AUTS2: variants seen among roughly 807,000 people sequenced by gnomAD.
AUTS2 encodes the protein autism susceptibility gene 2 protein.
Under a neutral mutation model 112.4 loss-of-function variants are expected in AUTS2, and 17 were observed. The ratio of observed to expected loss-of-function variants is 0.15; its 90% CI spans 0.10 to 0.23. The LOEUF (loss-of-function observed/expected upper bound fraction) is 0.23, where lower values mean the gene tolerates loss of function less well. AUTS2 is among the 10% of genes least tolerant of loss of function. AUTS2 has a pLI of 1.00. For synonymous variants in AUTS2, 751 were observed against 702.7 expected (o/e 1.07, Z -1.09); for missense variants, 1,510 against 1,701.6 (o/e 0.89, Z 1.98).
intron 2 of AUTS2, among the ~76,000 whole-genome samples, chr7:69,916,120 T>C (rs1426550810): frequency 6.6e-6 from 1 of 152,244 alleles, no homozygotes; most frequent in East Asian, 1.9e-4. Context: ...CTGTTTCTAA[T>C]TTACTATCAA....
intron 7 of AUTS2, among the ~76,000 whole-genome samples, chr7:70,763,742 T>G (rs1321684472): frequency 1.3e-5 from 2 of 152,046 alleles, no homozygotes; most frequent in Non-Finnish European, 2.9e-5. Flanking sequence ...GGAAGAAGTG[T>G]TAAAGAAAAC....
intron 2 of AUTS2, among the ~76,000 whole-genome samples, chr7:69,914,392 C>CACACACACACACAA (rs1554403942): frequency 6.6e-6 from 1 of 150,760 alleles, no homozygotes; most frequent in African/African-American, 2.4e-5. Flanking sequence ...CACACACACA[C>CACACACACACACAA]ACAAACAATC....
intron 2 of AUTS2, among the ~76,000 whole-genome samples, chr7:69,956,726 C>T (rs1164640726): frequency 6.6e-6 from 1 of 152,266 alleles, no homozygotes; most frequent in African/African-American, 2.4e-5. Flanking sequence ...TGTGGCAGGT[C>T]CTGAAGGAAG....
intron 4 of AUTS2, among the ~76,000 whole-genome samples, chr7:70,176,473 TG>T (rs1446615796): frequency 3.3e-5 from 5 of 152,246 alleles, no homozygotes; most frequent in Non-Finnish European, 7.3e-5. Flanking sequence ...GCAATGGCAA[TG>T]ATTCTGCCTG....
intron 2 of AUTS2, among the ~76,000 whole-genome samples, chr7:69,916,764 A>G (rs1042433004): frequency 1.3e-5 from 2 of 151,998 alleles, no homozygotes; most frequent in Admixed American, 1.3e-4. Context: ...TCTCTCTTCA[A>G]TGTTTTCTAT....
At chr7:70,597,220 C>T (rs1803252503) in intron 5 of AUTS2, among the ~76,000 whole-genome samples, 1 of 152,184 alleles carries the variant, frequency 6.6e-6, no homozygotes, top group African/African-American at 2.4e-5. Context: ...CTTTCAGCTG[C>T]TAATTCCTGT....
At chr7:70,494,501 G>A (rs569043731) in intron 5 of AUTS2, among the ~76,000 whole-genome samples, 212 of 152,132 alleles carry the variant, frequency 1.4e-3, no homozygotes, top group Middle Eastern at 6.8e-3. Flanking sequence ...AATGAGAAGG[G>A]GAGCTGTGGC....
intron 5 of AUTS2, among the ~76,000 whole-genome samples, chr7:70,453,227 A>G (rs551773102): frequency 1.1e-4 from 17 of 152,356 alleles, no homozygotes; most frequent in African/African-American, 3.1e-4. Flanking sequence ...TTCACTGCCA[A>G]TGAAACAATG....
intron 3 of AUTS2, among the ~76,000 whole-genome samples, chr7:70,133,643 C>T (rs1328234975): frequency 2.0e-5 from 3 of 152,020 alleles, no homozygotes; most frequent in Admixed American, 1.3e-4. Flanking sequence ...GACCTGCAGA[C>T]CTATTCAGCA....
intron 1 of AUTS2, among the ~76,000 whole-genome samples, chr7:69,795,222 C>T (rs897096104): frequency 2.0e-5 from 3 of 152,086 alleles, no homozygotes; most frequent in African/African-American, 7.2e-5. Context: ...GAATTTGGTT[C>T]AATACTGCCT....
chr7:70,058,698 T>C (rs1404375365), intron 2 of AUTS2, among the ~76,000 whole-genome samples: 5 of 152,022 alleles, frequency 3.3e-5, no homozygotes, highest in Admixed American at 3.3e-4. Flanking sequence ...AAATCTTATG[T>C]CATACTTCAT....
At chr7:70,733,542 CTACCCCCA>C (rs1305797239) in intron 6 of AUTS2, among the ~76,000 whole-genome samples, 7 of 138,394 alleles carry the variant, frequency 5.1e-5, no homozygotes, top group Non-Finnish European at 6.2e-5. Context: ...CACCACCCCC[CTACCCCCA>C]CATCTAGATT....
chr7:70,313,005 AC>A (rs1187626902), intron 4 of AUTS2, among the ~76,000 whole-genome samples: 1 of 152,188 alleles, frequency 6.6e-6, no homozygotes, highest in Non-Finnish European at 1.5e-5. Context: ...GAACGTCTAA[AC>A]TGCTATCCTG....
intron 4 of AUTS2, among the ~76,000 whole-genome samples, chr7:70,255,664 C>CT (rs549815191): frequency 7.3e-5 from 11 of 149,696 alleles, no homozygotes; most frequent in Non-Finnish European, 3.0e-5. Flanking sequence ...TAGAATATGA[C>CT]TTTTTTTTTT....
At chr7:69,899,893 A>G (rs1270760931) in intron 2 of AUTS2, among the ~76,000 whole-genome samples, 2 of 152,188 alleles carry the variant, frequency 1.3e-5, no homozygotes, top group Admixed American at 1.3e-4. Context: ...AAGGTGCTAA[A>G]ATGATTGCCT....
At chr7:69,608,754 C>T (rs1054641518) in intron 1 of AUTS2, among the ~76,000 whole-genome samples, 9 of 152,140 alleles carry the variant, frequency 5.9e-5, no homozygotes, top group Non-Finnish European at 1.0e-4. Flanking sequence ...GGTCCTGGAC[C>T]GTGCTTTTCT....
intron 6 of AUTS2, among the ~76,000 whole-genome samples, chr7:70,731,881 C>CTAAG (rs1369614993): frequency 6.6e-6 from 1 of 151,954 alleles, no homozygotes; most frequent in African/African-American, 2.4e-5. Context: ...CCTTTTATGT[C>CTAAG]TAAGTAATTC....
At chr7:70,261,734 A>G (rs1194132506) in intron 4 of AUTS2, among the ~76,000 whole-genome samples, 6 of 152,166 alleles carry the variant, frequency 3.9e-5, no homozygotes, top group African/African-American at 1.4e-4. Flanking sequence ...TCCTCCCTAC[A>G]GTTGTTATCT....
At chr7:70,625,060 T>A (rs1321493496) in intron 5 of AUTS2, among the ~76,000 whole-genome samples, 1 of 152,106 alleles carries the variant, frequency 6.6e-6, no homozygotes, top group Non-Finnish European at 1.5e-5. Flanking sequence ...TCTTGGGAGA[T>A]CTCTGTGGTC....
Sources: gnomAD v4.1 joint callset for allele counts (sites outside exome capture counted in the v4.1 genomes callset) on GRCh38, gnomAD v4.1.1 for gene constraint, MANE v1.5 for transcripts, NCBI Gene and HGNC (gene_info 2026-07-23, HGNC 2026-07-21) for gene names.